Variants in PEBP4 observed in about 807,000 individuals in gnomAD.
PEBP4 encodes phosphatidylethanolamine binding protein 4.
PEBP4 carries 22 observed loss-of-function variants against 23.9 expected under a neutral mutation model. The ratio of observed to expected loss-of-function variants is 0.92; its 90% CI spans 0.66 to 1.31. The LOEUF is 1.31. Ranked by LOEUF, PEBP4 falls within the 40% of genes most tolerant of loss-of-function variation. The pLI is 0.00. For synonymous variants in PEBP4, 112 were observed against 99.3 expected (o/e 1.13, Z -0.76); for missense variants, 324 against 281.7 (o/e 1.15, Z -1.07).
intron 3 of PEBP4, among the ~76,000 whole-genome samples, chr8:22,864,948 G>A (rs897752045): frequency 2.0e-4 from 30 of 152,282 alleles, no homozygotes; most frequent in African/African-American, 7.2e-4. Flanking sequence ...GGACCCCGAT[G>A]AGGCCCCTTC....
In PEBP4 at chr8:22,802,489, C is replaced by T. The variant is rs1054939547; in HGVS notation, c.357+15148G>A. On this transcript the variant is annotated intron_variant, in intron 4 of 6. Coordinates refer to ENST00000256404, the MANE Select transcript of PEBP4 (RefSeq NM_144962.3). ...TCGGGCCTCGCCCCTGCTCAAGGGC[C>T]CACTCTGGTCTTCTGTGGTCTGTAG... Among the ~76,000 whole-genome samples the T allele has an allele frequency of 3.9e-5, 6 of 152,260 alleles. 1 individual carries two copies. The South Asian group carries it at 6.2e-4, about 16-fold the overall frequency.
At chr8:22,725,255 G>T (rs1461598910) in intron 5 of PEBP4, among the ~76,000 whole-genome samples, 1 of 152,202 alleles carries the variant, frequency 6.6e-6, no homozygotes, top group Non-Finnish European at 1.5e-5. Flanking sequence ...GTGGGTGTTG[G>T]CATTGTCCTG....
chr8:22,792,888 A>G (rs55638826), intron 4 of PEBP4, among the ~76,000 whole-genome samples: 33,436 of 152,060 alleles, frequency 0.22, 3,859 homozygotes, highest in East Asian at 0.29. Context: ...TGCTCCCGAA[A>G]GAAACCACAG....
At chr8:22,937,461 A>C (rs1246002158) in intron 1 of PEBP4, among the ~76,000 whole-genome samples, 2 of 152,206 alleles carry the variant, frequency 1.3e-5, no homozygotes, top group Non-Finnish European at 2.9e-5. Flanking sequence ...AAAGACATTC[A>C]ATGCTCATGG....
intron 4 of PEBP4, among the ~76,000 whole-genome samples, chr8:22,808,303 C>A (rs1478903668): frequency 6.6e-6 from 1 of 152,170 alleles, no homozygotes; most frequent in African/African-American, 2.4e-5. Flanking sequence ...CCTATTCAAC[C>A]TCCATCTATC....
At chr8:22,885,541 G>C (rs954835973) in intron 3 of PEBP4, 1 of 152,214 alleles carries the variant, frequency 6.6e-6, no homozygotes, top group Non-Finnish European at 1.5e-5. Flanking sequence ...GAGTATGTGA[G>C]GGAGCTGGCA....
chr8:22,841,264 CTT>C (rs1174113706), intron 3 of PEBP4, among the ~76,000 whole-genome samples: 1 of 152,278 alleles, frequency 6.6e-6, no homozygotes, highest in African/African-American at 2.4e-5. Context: ...TTCTGTGGCC[CTT>C]TGAGGGGGTG....
At chr8:22,853,800 C>T (rs369378289) in intron 3 of PEBP4, among the ~76,000 whole-genome samples, 4 of 152,282 alleles carry the variant, frequency 2.6e-5, no homozygotes, top group East Asian at 1.9e-4. Context: ...GGAACTTGTC[C>T]GGACGAAGGC....
intron 4 of PEBP4, among the ~76,000 whole-genome samples, chr8:22,740,232 G>A (rs1804960706): frequency 6.6e-6 from 1 of 152,224 alleles, no homozygotes; most frequent in Non-Finnish European, 1.5e-5. Flanking sequence ...AAGAAAAGAT[G>A]CTGGCGAGAT....
At chr8:22,763,650 A>G (rs928545127) in intron 4 of PEBP4, among the ~76,000 whole-genome samples, 5 of 152,180 alleles carry the variant, frequency 3.3e-5, no homozygotes, top group African/African-American at 1.2e-4. Flanking sequence ...TATATATGTA[A>G]GAGGTGCCCA....
chr8:22,736,901 T>C (rs551441547), intron 4 of PEBP4, among the ~76,000 whole-genome samples: 15 of 152,232 alleles, frequency 9.9e-5, no homozygotes, highest in Non-Finnish European at 1.3e-4. Context: ...CTTATTAGAA[T>C]ACTAGTTCTT....
At chr8:22,785,866 A>C (rs1431355293) in intron 4 of PEBP4, among the ~76,000 whole-genome samples, 2 of 152,180 alleles carry the variant, frequency 1.3e-5, no homozygotes, top group Admixed American at 6.5e-5. Flanking sequence ...TCCTGGAGAC[A>C]ACGGGGCTAC....
At chr8:22,729,202 C>A (rs373109199) in intron 4 of PEBP4, among the ~76,000 whole-genome samples, 12 of 152,324 alleles carry the variant, frequency 7.9e-5, no homozygotes, top group African/African-American at 2.9e-4. Flanking sequence ...AAGGCCTTGA[C>A]AGATGCCTAG....
At chr8:22,778,032 G>A (rs1345664487) in intron 4 of PEBP4, among the ~76,000 whole-genome samples, 3 of 152,242 alleles carry the variant, frequency 2.0e-5, no homozygotes, top group East Asian at 1.9e-4. Flanking sequence ...TGGGACCCGC[G>A]AGGCAGAAGC....
intron 3 of PEBP4, chr8:22,886,127 T>C (rs1808368994): frequency 1.3e-5 from 2 of 152,246 alleles, no homozygotes; most frequent in South Asian, 4.1e-4. Context: ...AGAATAACTA[T>C]CTGTTCGGTG....
chr8:22,878,601 C>G (rs149330024), intron 3 of PEBP4, among the ~76,000 whole-genome samples: 5 of 152,308 alleles, frequency 3.3e-5, no homozygotes, highest in African/African-American at 1.2e-4. Context: ...CCTGGCACCT[C>G]TGGGTTTGGG....
chr8:22,779,626 G>A (rs955280375), intron 4 of PEBP4, among the ~76,000 whole-genome samples: 1 of 152,198 alleles, frequency 6.6e-6, no homozygotes, highest in Non-Finnish European at 1.5e-5. Flanking sequence ...GGAAGGCTGG[G>A]TGGTGTCTCC....
intron 4 of PEBP4, among the ~76,000 whole-genome samples, chr8:22,743,040 G>T (rs900688126): frequency 6.6e-6 from 1 of 152,170 alleles, no homozygotes; most frequent in Non-Finnish European, 1.5e-5. Context: ...TGGGGCAGGC[G>T]GTGAAGGGCT....
chr8:22,758,000 T>A (rs1270411737), intron 4 of PEBP4: 1 of 152,196 alleles, frequency 6.6e-6, no homozygotes, highest in Admixed American at 6.5e-5. Flanking sequence ...GGGGAGGATA[T>A]TCACCAGGGG....
Sources: gnomAD v4.1 joint callset for allele counts (sites outside exome capture counted in the v4.1 genomes callset) on GRCh38, gnomAD v4.1.1 for gene constraint, MANE v1.5 for transcripts, NCBI Gene and HGNC (gene_info 2026-07-23, HGNC 2026-07-21) for gene names.